Variants in LRMDA observed in about 807,000 individuals in gnomAD.
LRMDA encodes the protein leucine-rich melanocyte differentiation-associated protein.
In LRMDA, 18 loss-of-function variants were observed where a neutral mutation model predicts 29.8. That is an observed-to-expected ratio of 0.60 (90% CI 0.42 to 0.90). LRMDA has a LOEUF of 0.90. Among genes scored for constraint, LRMDA ranks in the 40% least tolerant of loss-of-function variants. The probability of loss-of-function intolerance (pLI) is 0.00; values close to 1 mark genes in which losing one functional copy is unlikely to be tolerated. For missense variants in LRMDA, 273 were observed against 273.9 expected, an observed-to-expected ratio of 1.00 and a Z score of 0.02; for synonymous variants, 125 against 109.4, an observed-to-expected ratio of 1.14 and a Z score of -0.89.
At chr10:76,077,101 G>A (rs1043338117) in intron 5 of LRMDA, among the ~76,000 whole-genome samples, 3 of 152,112 alleles carry the variant, frequency 2.0e-5, no homozygotes, top group African/African-American at 7.2e-5. Context: ...GGCAGAAGAT[G>A]CCCCAGGGCC....
chr10:75,993,179 A>G (rs1327497494), intron 2 of LRMDA, among the ~76,000 whole-genome samples: 3 of 152,154 alleles, frequency 2.0e-5, no homozygotes, highest in Admixed American at 1.3e-4. Context: ...CCTGGGTCAC[A>G]TAGAAGGAAG....
intron 2 of LRMDA, among the ~76,000 whole-genome samples, chr10:75,454,472 T>C (rs2132033859): frequency 6.6e-6 from 1 of 152,274 alleles, no homozygotes; most frequent in Admixed American, 6.5e-5. Context: ...CTCTGGGGTA[T>C]CGTTTTCCGA....
intron 2 of LRMDA, among the ~76,000 whole-genome samples, chr10:75,441,705 G>A (rs1266249328): frequency 1.3e-5 from 2 of 151,254 alleles, no homozygotes; most frequent in African/African-American, 4.9e-5. Context: ...TTCTTCCTTT[G>A]TTATATATAA....
At chr10:76,418,172 G>C (rs978494892) in intron 6 of LRMDA, among the ~76,000 whole-genome samples, 1 of 152,054 alleles carries the variant, frequency 6.6e-6, no homozygotes, top group African/African-American at 2.4e-5. Flanking sequence ...AATGAAAAAA[G>C]ATGATATTTT....
intron 5 of LRMDA, among the ~76,000 whole-genome samples, chr10:76,076,954 T>C (rs930848432): frequency 7.2e-5 from 11 of 152,236 alleles, no homozygotes; most frequent in Admixed American, 7.2e-4. Context: ...GGTTTACTTT[T>C]CTTTGTGCTC....
Position 76,383,725 on chromosome 10 carries a change from C to T in LRMDA, c.601+59240C>T, listed in dbSNP as rs73290767. Among the ~76,000 whole-genome samples, 925 of 152,156 alleles carry T rather than the reference C, an allele frequency of 6.1e-3. 9 individuals carry two copies. Among genetic ancestry groups the T allele is most frequent in the African/African-American group, 0.018 (758 of 41,524 alleles). On this transcript the variant is annotated intron_variant, in intron 6 of 6. Transcript: ENST00000611255. ...GATTACAGGCGTGAGCCACCGCGCC[C>T]GGCCCACCAATGTCTTTTCTACATA...
intron 2 of LRMDA, among the ~76,000 whole-genome samples, chr10:75,872,311 T>A (rs778413252): frequency 2.0e-5 from 3 of 151,926 alleles, no homozygotes; most frequent in South Asian, 4.2e-4. Flanking sequence ...TTTTTTTTTT[T>A]AATTTTTGAG....
Position 76,499,635 on chromosome 10 carries a change from C to A in LRMDA, c.602-57574C>A, listed in dbSNP as rs2132341623. On this transcript the variant is annotated intron_variant, in intron 6 of 6. Coordinates refer to ENST00000611255, the MANE Select transcript of LRMDA (RefSeq NM_001305581.2). Reference sequence around the variant, plus strand: ...TCCCAGATTTCCCAGTTATTAACAGCTTATATAATCACAGTACAATGATCA... The same window carrying A: ...TCCCAGATTTCCCAGTTATTAACAGATTATATAATCACAGTACAATGATCA... 2.7e-5 allele frequency among the ~76,000 whole-genome samples: 2 copies of A among 74,614 alleles called. 1 individual carries two copies. Among genetic ancestry groups the A allele is most frequent in the East Asian group, 5.1e-4 (2 of 3,950 alleles). The allele number at this position is 74,614 out of a possible 152,430, so 48.9% of individuals were successfully genotyped here. A position where few individuals can be genotyped will look rare whatever the true frequency, so the allele number is the denominator to read the frequency against.
intron 6 of LRMDA, among the ~76,000 whole-genome samples, chr10:76,474,815 T>C (rs1323798554): frequency 6.6e-6 from 1 of 151,722 alleles, no homozygotes; most frequent in African/African-American, 2.4e-5. Context: ...CTTGGCAGTT[T>C]CTTAAAAGGT....
chr10:76,319,271 C>T (rs1165023139), intron 5 of LRMDA: 1 of 152,218 alleles, frequency 6.6e-6, no homozygotes, highest in Non-Finnish European at 1.5e-5. Flanking sequence ...CATGAATTGA[C>T]TTCTTCCTGT....
chr10:75,990,182 C>T (rs1056141590), intron 2 of LRMDA, among the ~76,000 whole-genome samples: 2 of 152,184 alleles, frequency 1.3e-5, no homozygotes, highest in African/African-American at 4.8e-5. Flanking sequence ...ATCAGAGCGT[C>T]TCACACACGG....
chr10:76,386,540 A>G (rs12269358), intron 6 of LRMDA, among the ~76,000 whole-genome samples: 51,536 of 151,972 alleles, frequency 0.34, 12,787 homozygotes, highest in African/African-American at 0.69. Context: ...TTTATTTGTC[A>G]GCCTTGATCT....
chr10:75,830,375 C>A (rs1213248120), intron 2 of LRMDA, among the ~76,000 whole-genome samples: 2 of 152,198 alleles, frequency 1.3e-5, no homozygotes, highest in Non-Finnish European at 2.9e-5. Flanking sequence ...CATTAGTACA[C>A]TGTATTAGTC....
intron 6 of LRMDA, among the ~76,000 whole-genome samples, chr10:76,354,038 G>A (rs1841209908): frequency 1.3e-5 from 2 of 152,112 alleles, no homozygotes. Flanking sequence ...GAAGTTGCAA[G>A]GGATGGGCAG....
chr10:76,125,686 G>A (rs1849868197), intron 5 of LRMDA, among the ~76,000 whole-genome samples: 2 of 152,164 alleles, frequency 1.3e-5, no homozygotes, highest in Non-Finnish European at 2.9e-5. Flanking sequence ...GCTGGAAGGG[G>A]TAGTCTGGGT....
At chr10:76,469,927 C>G (rs1219203137) in intron 6 of LRMDA, among the ~76,000 whole-genome samples, 1 of 152,050 alleles carries the variant, frequency 6.6e-6, no homozygotes, top group East Asian at 1.9e-4. Context: ...AGAAGAAACT[C>G]TAGAATGATT....
chr10:76,309,298 A>G (rs1159283235), intron 5 of LRMDA, among the ~76,000 whole-genome samples: 1 of 152,116 alleles, frequency 6.6e-6, no homozygotes, highest in South Asian at 2.1e-4. Flanking sequence ...TTGAAGCTTC[A>G]GTCAGGAGCC....
intron 2 of LRMDA, among the ~76,000 whole-genome samples, chr10:75,756,530 C>G (rs1451979557): frequency 6.6e-6 from 1 of 152,164 alleles, no homozygotes. Flanking sequence ...CTTGCTCCGA[C>G]CATTGATATT....
intron 2 of LRMDA, among the ~76,000 whole-genome samples, chr10:75,829,629 C>T (rs1844305023): frequency 6.6e-6 from 1 of 151,924 alleles, no homozygotes; most frequent in South Asian, 2.1e-4. Flanking sequence ...GTTAGTAACA[C>T]TTCTAAAGCA....
Sources: allele counts gnomAD v4.1 joint callset (sites outside exome capture counted in the v4.1 genomes callset), GRCh38; gene constraint gnomAD v4.1.1; transcripts MANE v1.5; gene names NCBI Gene and HGNC (gene_info 2026-07-23, HGNC 2026-07-21).